Variants in RNF145 observed in about 807,000 individuals in gnomAD.
The protein encoded by RNF145 is ring finger protein 145.
In RNF145, 12 loss-of-function variants were observed where a neutral mutation model predicts 57.3. That is an observed-to-expected ratio of 0.21 (90% CI 0.13 to 0.34). RNF145 has a LOEUF of 0.34. Ranked by LOEUF, RNF145 falls within the 10% of genes least tolerant of loss-of-function variation. RNF145 has a pLI of 1.00. For missense variants in RNF145, 429 were observed against 799.0 expected, an observed-to-expected ratio of 0.54 and a Z score of 5.58; for synonymous variants, 262 against 288.3, an observed-to-expected ratio of 0.91 and a Z score of 0.92.
At chr5:159,207,499 C>A (rs1474157492) in intron 1 of RNF145, 2 of 1,528,028 alleles carry the variant, frequency 1.3e-6, no homozygotes, top group Non-Finnish European at 1.8e-6. Flanking sequence ...TTTCTCCCAA[C>A]CAGTTAAAAA....
chr5:159,176,503 TAGC>T (rs1237262925), intron 5 of RNF145, 126 bp downstream of exon 5: 1 of 615,494 alleles, frequency 1.6e-6, no homozygotes, highest in Non-Finnish European at 2.9e-6. Context: ...GGGCTGAAAA[TAGC>T]AGCTGTTTTG....
At chr5:159,180,919 G>C (rs1784872631) in intron 4 of RNF145, among the ~76,000 whole-genome samples, 1 of 151,918 alleles carries the variant, frequency 6.6e-6, no homozygotes, top group South Asian at 2.1e-4. Context: ...TGATATAGTG[G>C]AATTCTGGCC....
intron 4 of RNF145, among the ~76,000 whole-genome samples, chr5:159,177,927 T>C (rs1784769152): frequency 6.6e-6 from 1 of 152,058 alleles, no homozygotes; most frequent in African/African-American, 2.4e-5. Context: ...AATGTTCACA[T>C]TCTTTGCCCA....
At chr5:159,202,454 G>A (rs1022504136) in intron 2 of RNF145, among the ~76,000 whole-genome samples, 7 of 152,104 alleles carry the variant, frequency 4.6e-5, no homozygotes, top group African/African-American at 1.2e-4. Context: ...TTACTGAACC[G>A]AAACGTTTTG....
chr5:159,169,132 G>C, intron 7 of RNF145, 77 bp from the exon 8 acceptor site: 1 of 1,137,004 alleles, frequency 8.8e-7, no homozygotes, highest in Non-Finnish European at 1.2e-6. Flanking sequence ...ATAATCCAAA[G>C]GCTTAGACTC....
chr5:159,207,751 G>GTACCTGATCTCCACA, intron 1 of RNF145: 1 of 1,614,100 alleles, frequency 6.2e-7, no homozygotes, highest in East Asian at 2.2e-5. Flanking sequence ...AACTTTGTAT[G>GTACCTGATCTCCACA]TACCTGATCT....
chr5:159,176,243 T>G (rs1341177311), intron 5 of RNF145, among the ~76,000 whole-genome samples: 2 of 152,150 alleles, frequency 1.3e-5, no homozygotes. Flanking sequence ...TTCATTACAA[T>G]AGCTAACACA....
chr5:159,160,119 T>C (rs1393585544), intron 10 of RNF145, among the ~76,000 whole-genome samples: 1 of 152,164 alleles, frequency 6.6e-6, no homozygotes, highest in Non-Finnish European at 1.5e-5. Context: ...CGGCTGAAGC[T>C]GAGGTGCTCC....
intron 1 of RNF145, among the ~76,000 whole-genome samples, chr5:159,206,477 A>C (rs1308734127): frequency 6.6e-6 from 1 of 152,164 alleles, no homozygotes; most frequent in Non-Finnish European, 1.5e-5. Flanking sequence ...CCACACACTA[A>C]ACCAACATCA....
chr5:159,205,333 A>T (rs896890026), intron 1 of RNF145, among the ~76,000 whole-genome samples: 3 of 152,248 alleles, frequency 2.0e-5, no homozygotes, highest in Non-Finnish European at 4.4e-5. Context: ...CTAAGAAGGA[A>T]AAATGCACTG....
chr5:159,169,619 T>C (rs1784484829), intron 7 of RNF145, 60 bp downstream of exon 7: 1 of 1,338,894 alleles, frequency 7.5e-7, no homozygotes, highest in African/African-American at 1.5e-5. Context: ...AATTCATCAT[T>C]ACTTCCTCAA....
intron 8 of RNF145, among the ~76,000 whole-genome samples, chr5:159,163,688 C>T (rs1784304020): frequency 6.6e-6 from 1 of 152,210 alleles, no homozygotes; most frequent in Non-Finnish European, 1.5e-5. Context: ...GACTAATCCT[C>T]CTAAAGCTCT....
intron 6 of RNF145, among the ~76,000 whole-genome samples, chr5:159,172,394 T>C (rs1298279267): frequency 2.0e-5 from 3 of 152,042 alleles, no homozygotes; most frequent in Non-Finnish European, 4.4e-5. Flanking sequence ...GGCAGGAGAA[T>C]TGCTGGAACC....
intron 3 of RNF145, among the ~76,000 whole-genome samples, chr5:159,183,519 T>C (rs1346597447): frequency 6.6e-6 from 1 of 151,972 alleles, no homozygotes; most frequent in Non-Finnish European, 1.5e-5. Context: ...CACATAAATA[T>C]CTGATTACTA....
Position 159,174,377 on chromosome 5 carries a change from C to T in RNF145, c.622-219G>A, listed in dbSNP as rs558775980. ...TTATTAACACTTGACACACACTTAT[C>T]TAATAGCACAGTAAACTGCCCTAAT... is the stretch of plus-strand genomic sequence containing the variant. On this transcript the variant is annotated intron_variant, in intron 5 of 10. Transcript: ENST00000424310. Among the ~76,000 whole-genome samples, 11 of 152,238 alleles carry T rather than the reference C, an allele frequency of 7.2e-5. No homozygotes were observed. In the East Asian group the frequency reaches 1.5e-3, roughly 21 times the overall value.
At chr5:159,175,999 A>C (rs12656023) in intron 5 of RNF145, among the ~76,000 whole-genome samples, 9,996 of 152,234 alleles carry the variant, frequency 0.066, 354 homozygotes, top group Middle Eastern at 0.1. Flanking sequence ...TTTATCTTAG[A>C]GCAAAGGCTG....
Position 159,172,046 on chromosome 5 carries a change from C to A in RNF145, c.797+1937G>T, listed in dbSNP as rs1017094627. ...ATGGCTTAGTAAATTGTTAAGCCTA[C>A]TGCACTATGCTATACCTCATCTTAC... On this transcript the variant is annotated intron_variant, in intron 6 of 10. Coordinates refer to ENST00000424310, the MANE Select transcript of RNF145 (RefSeq NM_001199383.2). Among the ~76,000 whole-genome samples, 195 of 152,352 alleles carry A rather than the reference C, an allele frequency of 1.3e-3. 1 individual carries two copies. Among genetic ancestry groups the A allele is most frequent in the African/African-American group, 4.5e-3 (187 of 41,580 alleles).
intron 3 of RNF145, among the ~76,000 whole-genome samples, chr5:159,187,163 T>C (rs569934470): frequency 6.7e-6 from 1 of 149,412 alleles, no homozygotes; most frequent in East Asian, 2.0e-4. Flanking sequence ...GCACCTGTAA[T>C]CCCAGCTATT....
At chr5:159,193,843 G>A (rs951535342) in intron 3 of RNF145, among the ~76,000 whole-genome samples, 2 of 152,034 alleles carry the variant, frequency 1.3e-5, no homozygotes, top group Non-Finnish European at 2.9e-5. Context: ...TATATGCAAG[G>A]TCACTCCTCT....
Sources: allele counts gnomAD v4.1 joint callset (sites outside exome capture counted in the v4.1 genomes callset), GRCh38; gene constraint gnomAD v4.1.1; transcripts MANE v1.5; gene names NCBI Gene and HGNC (gene_info 2026-07-23, HGNC 2026-07-21).